The following PARD3 variants were observed in gnomAD, a reference collection of about 807,000 sequenced individuals.
The protein encoded by PARD3 is partitioning defective 3 homolog.
In PARD3, 75 loss-of-function variants were observed where a neutral mutation model predicts 155.4. That is an observed-to-expected ratio of 0.48 (90% CI 0.40 to 0.58). The LOEUF is 0.58. Ranked by LOEUF, PARD3 falls within the 20% of genes least tolerant of loss-of-function variation. The probability of loss-of-function intolerance (pLI) is 0.00; values close to 1 mark genes in which losing one functional copy is unlikely to be tolerated. For synonymous variants in PARD3, 576 were observed against 610.5 expected (o/e 0.94, Z 0.83); for missense variants, 1,642 against 1,721.7 (o/e 0.95, Z 0.82).
chr10:34,379,241 G>A (rs1371541919), intron 9 of PARD3, among the ~76,000 whole-genome samples: 1 of 152,064 alleles, frequency 6.6e-6, no homozygotes, highest in Admixed American at 6.5e-5. Flanking sequence ...ACAAAAAAGG[G>A]TGAATAAAAA....
chr10:34,343,454 T>C, intron 15 of PARD3: 1 of 980,484 alleles, frequency 1.0e-6, no homozygotes, highest in Non-Finnish European at 1.2e-6. Context: ...CAATATTGTA[T>C]ACATAGATAA....
intron 22 of PARD3, among the ~76,000 whole-genome samples, chr10:34,158,143 T>C (rs1274480): frequency 0.4 from 60,181 of 151,974 alleles, 12,557 homozygotes; most frequent in African/African-American, 0.53. Flanking sequence ...CTTTAGGAGG[T>C]TGAGGCAGGA....
intron 2 of PARD3, among the ~76,000 whole-genome samples, chr10:34,651,011 CAAAAAAAAAAAAAAAAAAAA>C (rs60113552): frequency 5.8e-4 from 26 of 44,546 alleles, no homozygotes; most frequent in South Asian, 3.4e-3. Context: ...AACTCTGTCT[CAAAAAAAAAAAAAAAAAAAA>C]AAAAAAAAAA....
At chr10:34,359,073 C>T in intron 14 of PARD3, 74 bp downstream of exon 14, 2 of 1,171,364 alleles carry the variant, frequency 1.7e-6, no homozygotes, top group Admixed American at 1.9e-5. Context: ...AACCTAATAC[C>T]CTTTGCCCAA....
intron 2 of PARD3, among the ~76,000 whole-genome samples, chr10:34,550,754 G>A (rs958470520): frequency 2.6e-5 from 4 of 152,114 alleles, no homozygotes; most frequent in Admixed American, 2.6e-4. Context: ...TTAACTATTA[G>A]TTTAAAAATA....
intron 2 of PARD3, among the ~76,000 whole-genome samples, chr10:34,683,015 G>A (rs985861933): frequency 2.6e-5 from 4 of 152,158 alleles, no homozygotes; most frequent in African/African-American, 4.8e-5. Flanking sequence ...TATTCTTGCC[G>A]AGCACAAAAC....
At chr10:34,569,153 C>T (rs1221664188) in intron 2 of PARD3, among the ~76,000 whole-genome samples, 3 of 152,044 alleles carry the variant, frequency 2.0e-5, no homozygotes, top group East Asian at 1.9e-4. Context: ...ACAACATTAG[C>T]CAAATACAAC....
rs11330074 is a variant in PARD3 at position 34,393,836 on chromosome 10, A to ATT, written c.890+5492_890+5493dup. Among the ~76,000 whole-genome samples, 9 of 128,816 alleles carry ATT rather than the reference A, an allele frequency of 7.0e-5. 1 individual carries two copies. Among genetic ancestry groups the ATT allele is most frequent in the Middle Eastern group, 8.1e-3 (2 of 246 alleles). The allele number at this position is 128,816 out of a possible 152,430, so 84.5% of individuals were successfully genotyped here. A position where few individuals can be genotyped will look rare whatever the true frequency, so the allele number is the denominator to read the frequency against. On this transcript the variant is annotated intron_variant, in intron 7 of 24. Coordinates refer to ENST00000374788, the MANE Select transcript of PARD3 (RefSeq NM_001184785.2). ...TGAAGCCCAAGTAAGAATAGTAGTA[A>ATT]TTTTTTTTTTTTTTTTTTTGAGACA...
chr10:34,520,809 G>A (rs894975808), intron 2 of PARD3, among the ~76,000 whole-genome samples: 2 of 152,116 alleles, frequency 1.3e-5, no homozygotes, highest in African/African-American at 2.4e-5. Flanking sequence ...TGCAATTTTA[G>A]TTTCAGTTTG....
chr10:34,150,559 G>C (rs896906560), intron 22 of PARD3, among the ~76,000 whole-genome samples: 2 of 152,200 alleles, frequency 1.3e-5, no homozygotes, highest in African/African-American at 4.8e-5. Context: ...GTTACAATGT[G>C]CTGGGTTTGA....
intron 9 of PARD3, among the ~76,000 whole-genome samples, chr10:34,380,037 C>T (rs1841666425): frequency 6.6e-6 from 1 of 151,958 alleles, no homozygotes; most frequent in African/African-American, 2.4e-5. Context: ...CTGACACACC[C>T]TATGTTTTTA....
At chr10:34,806,251 G>A (rs1368886435) in intron 1 of PARD3, among the ~76,000 whole-genome samples, 1 of 146,784 alleles carries the variant, frequency 6.8e-6, no homozygotes, top group Non-Finnish European at 1.5e-5. Flanking sequence ...CTGGAGTGCA[G>A]TGTCGCTATC....
intron 3 of PARD3, among the ~76,000 whole-genome samples, chr10:34,483,496 A>AG (rs1330743439): frequency 2.1e-5 from 3 of 142,392 alleles, no homozygotes; most frequent in African/African-American, 9.3e-5. Context: ...AAAAAAAAAA[A>AG]AAAGAGAGAG....
At chr10:34,191,895 T>C (rs926987307) in intron 22 of PARD3, among the ~76,000 whole-genome samples, 6 of 152,088 alleles carry the variant, frequency 3.9e-5, no homozygotes, top group African/African-American at 9.7e-5. Context: ...TAATGAATGA[T>C]TTCTCCTCTG....
chr10:34,330,926 G>C (rs1835552432), intron 19 of PARD3, among the ~76,000 whole-genome samples, 191 bp downstream of exon 19: 1 of 152,002 alleles, frequency 6.6e-6, no homozygotes, highest in African/African-American at 2.4e-5. Context: ...AAAAACCCCA[G>C]TGTATACTTA....
At chr10:34,329,922 A>G (rs190803039) in intron 19 of PARD3, among the ~76,000 whole-genome samples, 1 of 152,274 alleles carries the variant, frequency 6.6e-6, no homozygotes, top group East Asian at 1.9e-4. Context: ...ATACATATAC[A>G]TTATATGTAT....
At chr10:34,208,353 C>A (rs1208389760) in intron 22 of PARD3, among the ~76,000 whole-genome samples, 3 of 152,122 alleles carry the variant, frequency 2.0e-5, no homozygotes, top group Non-Finnish European at 2.9e-5. Flanking sequence ...GCAGCAGAAC[C>A]AAATTATAGA....
chr10:34,519,820 A>AAT (rs2082016826), intron 2 of PARD3, among the ~76,000 whole-genome samples: 1 of 133,852 alleles, frequency 7.5e-6, no homozygotes, highest in Admixed American at 7.8e-5. Context: ...TCTCAAAATA[A>AAT]ATAACATAAC....
At chr10:34,464,447 G>C (rs1253517626) in intron 4 of PARD3, among the ~76,000 whole-genome samples, 1 of 152,064 alleles carries the variant, frequency 6.6e-6, no homozygotes, top group African/African-American at 2.4e-5. Context: ...GAATTTATGT[G>C]AAACAATTAC....
Sources: allele counts gnomAD v4.1 joint callset (sites outside exome capture counted in the v4.1 genomes callset), GRCh38; gene constraint gnomAD v4.1.1; transcripts MANE v1.5; gene names NCBI Gene and HGNC (gene_info 2026-07-23, HGNC 2026-07-21).